The following CXXC5 variants were observed in gnomAD, a reference collection of about 807,000 sequenced individuals.
The protein encoded by CXXC5 is CXXC-type zinc finger protein 5.
A neutral mutation model predicts 17.6 loss-of-function variants in CXXC5; 2 were observed. The observed-to-expected ratio is 0.11, with a 90% confidence interval of 0.05 to 0.36. The LOEUF (loss-of-function observed/expected upper bound fraction) is 0.36, where lower values mean the gene tolerates loss of function less well. Among genes scored for constraint, CXXC5 ranks in the 10% least tolerant of loss-of-function variants. CXXC5 has a pLI of 1.00. For synonymous variants in CXXC5, 171 were observed against 193.0 expected (o/e 0.89, Z 0.94); for missense variants, 343 against 458.3 (o/e 0.75, Z 2.30).
intron 1 of CXXC5, among the ~76,000 whole-genome samples, chr5:139,666,207 A>G (rs1347987411): frequency 6.6e-6 from 1 of 152,146 alleles, no homozygotes; most frequent in African/African-American, 2.4e-5. Context: ...CGTGTGCCCC[A>G]GCTTCAGAAT....
Position 139,681,023 on chromosome 5 carries a change from A to G in CXXC5, c.500A>G (p.Gln167Arg), listed in dbSNP as rs764545803. 5 of 1,607,836 alleles carry G rather than the reference A, an allele frequency of 3.1e-6. No homozygotes were observed. Among genetic ancestry groups the G allele is most frequent in the Non-Finnish European group, 4.2e-6 (5 of 1,179,936 alleles). ...CAGCTGACGCTGCAGCAGTTTGCGC[A>G]GTCCACAGAGATGCTGAAGCGCGTG... Reference protein sequence around the residue: ...EGQLTLQQFAQSTEMLKRVVQ... With the variant: ...EGQLTLQQFARSTEMLKRVVQ... The change falls in exon 2 of 3, where the codon CAG becomes CGG. Residue 167 changes from glutamine (Q) to arginine (R), a missense_variant. Physicochemically the swap from Gln to Arg is conservative, Grantham distance 43. Coordinates refer to ENST00000302517, the MANE Select transcript of CXXC5 (RefSeq NM_016463.9).
intron 1 of CXXC5, among the ~76,000 whole-genome samples, chr5:139,650,751 G>A (rs1054340954): frequency 5.3e-5 from 8 of 152,230 alleles, no homozygotes; most frequent in Non-Finnish European, 1.2e-4. Flanking sequence ...ACCGCCACTA[G>A]AAAACCGGGA....
chr5:139,656,573 C>T (rs1472796677), intron 1 of CXXC5, among the ~76,000 whole-genome samples: 1 of 152,218 alleles, frequency 6.6e-6, no homozygotes, highest in Non-Finnish European at 1.5e-5. Context: ...ATTGGGGCTG[C>T]TTATTGGGCC....
chr5:139,681,444 G>T lies in CXXC5; in HGVS notation c.921G>T (p.Leu307=). ...EELKKKPSAA[L]EKVMLPTGAA... is the part of the protein sequence containing the mutation. ...TCAAAAAGAAGCCTTCCGCTGCTCT[G>T]GAGGTAACGGCGCCTTAGAGGGAGG... Residue 307 remains leucine, a synonymous_variant, in exon 2 of 3, where the codon CTG becomes CTT. Transcript: ENST00000302517. The T allele has an allele frequency of 6.4e-7, 1 of 1,564,212 alleles. No homozygotes were observed. Among genetic ancestry groups the T allele is most frequent in the Non-Finnish European group, 8.7e-7 (1 of 1,151,892 alleles).
intron 1 of CXXC5, among the ~76,000 whole-genome samples, chr5:139,657,709 G>A (rs1431690782): frequency 6.6e-6 from 1 of 152,224 alleles, no homozygotes; most frequent in Non-Finnish European, 1.5e-5. Context: ...TGTCAGATGG[G>A]CTTGGGAGCC....
chr5:139,665,032 CT>C (rs1397658749), intron 1 of CXXC5, among the ~76,000 whole-genome samples: 1 of 152,262 alleles, frequency 6.6e-6, no homozygotes, highest in East Asian at 1.9e-4. Context: ...GTACCCCAGC[CT>C]TGGTCTTGAG....
Position 139,680,763 on chromosome 5 carries a change from C to A in CXXC5, c.240C>A (p.Ser80=), listed in dbSNP as rs369903909. The A allele has an allele frequency of 6.5e-5, 105 of 1,613,460 alleles. No individual in the cohort carries two copies. The highest frequency in any genetic ancestry group is 8.9e-5 in the Non-Finnish European group (105 of 1,180,032). The change falls in exon 2 of 3, where the codon TCC becomes TCA. Residue 80 remains serine, a synonymous_variant. Transcript: ENST00000302517. ...GCCTGCGCCGCTCCCGCCCGCTCTC[C>A]CACTACTCTTCTTTTGGCAGCAGTG... ...NKSLRRSRPL[S]HYSSFGSSGG...
At chr5:139,651,801 G>A (rs755471069) in intron 1 of CXXC5, among the ~76,000 whole-genome samples, 2 of 152,116 alleles carry the variant, frequency 1.3e-5, no homozygotes, top group Non-Finnish European at 2.9e-5. Flanking sequence ...CCTGTCTGGT[G>A]GCTTGATCAT....
rs1757110928 is a variant in CXXC5, at chr5:139,680,374, T to C, written c.-150T>C. 2.6e-6 allele frequency: 3 copies of C among 1,171,296 alleles called. No individual in the cohort carries two copies. The African/African-American group carries it at 4.7e-5, about 18-fold the overall frequency. The allele number at this position is 1,171,296 out of a possible 1,614,324, so 72.6% of individuals were successfully genotyped here. On this transcript the variant is annotated 5_prime_UTR_variant, in exon 2 of 3. Coordinates refer to ENST00000302517, the MANE Select transcript of CXXC5 (RefSeq NM_016463.9). Reference sequence around the variant, plus strand: ...ATCCTCTTGTGACAGAGTGAAGACATTTCCACCTGGACACCTGACCATGTG... The same window carrying C: ...ATCCTCTTGTGACAGAGTGAAGACACTTCCACCTGGACACCTGACCATGTG...
intron 1 of CXXC5, among the ~76,000 whole-genome samples, chr5:139,662,238 T>C (rs990283777): frequency 6.6e-6 from 1 of 152,142 alleles, no homozygotes; most frequent in Admixed American, 6.5e-5. Context: ...CACTTAGATT[T>C]TGGCCATGTC....
upstream of CXXC5, chr5:139,647,954 G>A (rs1754954126): frequency 6.6e-6 from 1 of 151,946 alleles, no homozygotes; most frequent in Non-Finnish European, 1.5e-5. Flanking sequence ...GGTCCTCGAA[G>A]CTTCTGGCCC....
chr5:139,682,783 C>A, intron 2 of CXXC5, 80 bp from the exon 3 acceptor site: 1 of 1,405,384 alleles, frequency 7.1e-7, no homozygotes, highest in Non-Finnish European at 9.6e-7. Flanking sequence ...TGAGGCCATC[C>A]ATGGGGGAAC....
In CXXC5 at chr5:139,679,165, G is replaced by A. The variant is rs542391130; in HGVS notation, c.-160-1199G>A. On this transcript the variant is annotated intron_variant, in intron 1 of 2. Transcript: ENST00000302517. ...GTCCCTCCTGGCAACAGCCCACCCC[G>A]GCTCTCTGGGTTCTCACTGAGACCT... 5.3e-5 allele frequency among the ~76,000 whole-genome samples: 8 copies of A among 152,280 alleles called. No homozygotes were observed. The East Asian group carries it at 1.4e-3, about 26-fold the overall frequency.
chr5:139,670,129 G>GCCTCA lies in CXXC5; in HGVS notation c.-160-10234_-160-10230dup, dbSNP rs1194033721. ...CCGGCTCGGCCCCATGGCCCCTCTC[G>GCCTCA]CCTCATTATTTTTGTGTTCCGGGGC... is the stretch of plus-strand genomic sequence containing the variant. On this transcript the variant is annotated intron_variant, in intron 1 of 2. Coordinates refer to ENST00000302517, the MANE Select transcript of CXXC5 (RefSeq NM_016463.9). The surrounding 1 kb of genome is among the most constrained non-coding windows in gnomAD (Gnocchi z 4.2). Among the ~76,000 whole-genome samples, 1 of 152,154 alleles carries GCCTCA rather than the reference G, an allele frequency of 6.6e-6. No individual in the cohort carries two copies. The highest frequency in any genetic ancestry group is 1.5e-5 in the Non-Finnish European group (1 of 68,020).
At position 139,680,590 on chromosome 5, in the gene CXXC5, G is replaced by A. The variant is rs772685113; in HGVS notation, c.67G>A (p.Gly23Ser). 9 of 1,605,512 alleles carry A rather than the reference G, an allele frequency of 5.6e-6. No homozygotes were observed. Among genetic ancestry groups the A allele is most frequent in the South Asian group, 2.2e-5 (2 of 90,452 alleles). ...GSSSSSTNGS[G>S]GSGSSGPKAG... ...TAGCAGCAGCAGCACCAATGGCAGCGGTGGCAGTGGCAGCAGTGGCCCAAA... is the reference window on the plus strand; with the variant it reads ...TAGCAGCAGCAGCACCAATGGCAGCAGTGGCAGTGGCAGCAGTGGCCCAAA... Residue 23 changes from glycine (G) to serine (S), a missense_variant, in exon 2 of 3, where the codon GGT (glycine) becomes AGT (serine). This residue lies in a region of CXXC5 where 297 missense variants were observed against 363.4 expected (regional missense o/e 0.82). Coordinates refer to ENST00000302517, the MANE Select transcript of CXXC5 (RefSeq NM_016463.9).
At chr5:139,666,214 G>C (rs1372874211) in intron 1 of CXXC5, among the ~76,000 whole-genome samples, 1 of 152,150 alleles carries the variant, frequency 6.6e-6, no homozygotes, top group African/African-American at 2.4e-5. Context: ...CCCAGCTTCA[G>C]AATCCCATGG....
intron 2 of CXXC5, among the ~76,000 whole-genome samples, chr5:139,682,182 C>A (rs1029225559): frequency 2.0e-5 from 3 of 152,216 alleles, no homozygotes; most frequent in African/African-American, 7.2e-5. Context: ...AGTGCCAGGC[C>A]TGGGTACAAA....
chr5:139,674,437 G>T (rs143622079), intron 1 of CXXC5, among the ~76,000 whole-genome samples: 1 of 152,174 alleles, frequency 6.6e-6, no homozygotes, highest in Non-Finnish European at 1.5e-5. Flanking sequence ...GCATGGAAGC[G>T]TGGAAAGTGG....
intron 1 of CXXC5, among the ~76,000 whole-genome samples, chr5:139,672,123 A>G (rs570603999): frequency 4.2e-4 from 63 of 151,804 alleles, no homozygotes; most frequent in East Asian, 9.7e-4. Context: ...TTGTTTGTTT[A>G]TTTATTGTTT....
Sources: allele counts gnomAD v4.1 joint callset (sites outside exome capture counted in the v4.1 genomes callset), GRCh38; gene constraint gnomAD v4.1.1; regional missense constraint gnomAD v4.1.1; non-coding constraint Gnocchi (gnomAD v3.1); transcripts MANE v1.5; gene names NCBI Gene and HGNC (gene_info 2026-07-23, HGNC 2026-07-21).